Variants in CEP57 observed in about 807,000 individuals in gnomAD.
CEP57 encodes centrosomal protein 57.
Under a neutral mutation model 68.0 loss-of-function variants are expected in CEP57, and 40 were observed. The ratio of observed to expected loss-of-function variants is 0.59; its 90% confidence interval spans 0.46 to 0.77. The LOEUF is 0.77. Ranked by LOEUF, CEP57 falls within the 30% of genes least tolerant of loss-of-function variation. The pLI, the probability that CEP57 is intolerant of heterozygous loss-of-function variation, is 0.00. For synonymous variants in CEP57, 219 were observed against 198.7 expected, an observed-to-expected ratio of 1.10 and a Z score of -0.86; for missense variants, 606 against 580.7, an observed-to-expected ratio of 1.04 and a Z score of -0.45.
chr11:95,796,171 T>A (rs1340194592), intron 1 of CEP57, among the ~76,000 whole-genome samples: 2 of 152,240 alleles, frequency 1.3e-5, no homozygotes, highest in Admixed American at 1.3e-4. Context: ...TAATATGCAT[T>A]TTTAAATTAT....
chr11:95,792,267 G>C (rs1302223585), intron 1 of CEP57, among the ~76,000 whole-genome samples: 1 of 152,198 alleles, frequency 6.6e-6, no homozygotes, highest in Non-Finnish European at 1.5e-5. Context: ...GATTAAACTT[G>C]GGAGAAGAGG....
chr11:95,794,354 C>T (rs904611837), intron 1 of CEP57: 1 of 455,648 alleles, frequency 2.2e-6, no homozygotes, highest in African/African-American at 2.0e-5. Context: ...TTATCTGGTT[C>T]ACAGAGTATG....
intron 5 of CEP57, 52 bp downstream of exon 5, chr11:95,817,955 T>TA (rs1310028792): frequency 9.6e-7 from 1 of 1,042,558 alleles, no homozygotes. Flanking sequence ...GGTTTTTTTT[T>TA]AATGTTAATT....
chr11:95,812,775 AAT>A, intron 2 of CEP57, 155 bp from the exon 3 acceptor site: 2 of 729,022 alleles, frequency 2.7e-6, no homozygotes, highest in Non-Finnish European at 4.7e-6. Context: ...TTAAAAAACA[AAT>A]ATGAGATAAT....
intron 7 of CEP57, 103 bp from the exon 8 acceptor site, chr11:95,822,396 G>A: frequency 1.2e-6 from 1 of 823,218 alleles, no homozygotes; most frequent in Non-Finnish European, 2.0e-6. Flanking sequence ...GATAAGGCAA[G>A]TAGTAGCCTA....
chr11:95,790,590 A>C lies in CEP57; in HGVS notation c.-109A>C. 7.4e-7 allele frequency: 1 copy of C among 1,347,466 alleles called. No homozygotes were observed. Among genetic ancestry groups the C allele is most frequent in the Non-Finnish European group, 1.0e-6 (1 of 961,868 alleles). The allele number at this position is 1,347,466 out of a possible 1,614,324, so 83.5% of individuals were successfully genotyped here. The stretch of plus-strand genomic sequence containing the variant: ...ACCAGCACCCTTGCCCTTTTCCATC[A>C]GGGGTTCAGCCTAGGGTCCCCGCTG... On this transcript the variant is annotated 5_prime_UTR_variant, in exon 1 of 11. Coordinates refer to ENST00000325542, the MANE Select transcript of CEP57 (RefSeq NM_014679.5).
intron 6 of CEP57, among the ~76,000 whole-genome samples, chr11:95,820,579 C>CTTTAA (rs1862477488): frequency 1.2e-5 from 1 of 82,440 alleles, no homozygotes; most frequent in Non-Finnish European, 2.3e-5. Context: ...GCAACAAGAG[C>CTTTAA]AAAAAAAAAA....
chr11:95,796,322 A>G (rs1004430259), intron 1 of CEP57, among the ~76,000 whole-genome samples: 3 of 152,344 alleles, frequency 2.0e-5, no homozygotes, highest in African/African-American at 7.2e-5. Context: ...TTTAATCCTG[A>G]AAGTTTCTCC....
At chr11:95,806,332 T>A (rs1046719659) in intron 2 of CEP57, among the ~76,000 whole-genome samples, 1 of 152,222 alleles carries the variant, frequency 6.6e-6, no homozygotes, top group Non-Finnish European at 1.5e-5. Flanking sequence ...GGGTGATTTC[T>A]GCATTTCCAA....
chr11:95,829,272 G>A lies in CEP57; in HGVS notation c.1213G>A (p.Val405Met), dbSNP rs760517566. ...GTTGGAGTGTGAATTGGAGGCATTA[G>A]TGGGAAGGATGGAAGCAAAAGCCAA... is the stretch of plus-strand genomic sequence containing the variant. ...DKLECELEAL[V>M]GRMEAKANQI... is the part of the protein sequence containing the mutation. Residue 405 changes from valine to methionine, a missense_variant, in exon 10 of 11, where the codon GTG (valine) becomes ATG (methionine). Val to Met is a conservative substitution (Grantham distance 21). Transcript: ENST00000325542. 6.2e-7 allele frequency: 1 copy of A among 1,614,016 alleles called. No homozygotes were observed. The highest frequency in any genetic ancestry group is 8.5e-7 in the Non-Finnish European group (1 of 1,179,974).
intron 4 of CEP57, among the ~76,000 whole-genome samples, chr11:95,814,871 T>C (rs1314943388): frequency 6.6e-6 from 1 of 152,162 alleles, no homozygotes; most frequent in Non-Finnish European, 1.5e-5. Flanking sequence ...CCCCTGTGGA[T>C]AGTAAAATCC....
chr11:95,801,882 G>A (rs1024325560), intron 2 of CEP57, among the ~76,000 whole-genome samples: 14 of 152,170 alleles, frequency 9.2e-5, no homozygotes, highest in African/African-American at 2.9e-4. Context: ...AAGCTTTTAT[G>A]CCTTTAGAGC....
rs929033830 is a variant in CEP57 at position 95,832,518 on chromosome 11, T to C, written c.*1262T>C. Reference sequence around the variant, plus strand: ...CTTCTGTGTCCAGTTTTCTAATGAGTAGGTTCGTAGCTTGATTGAATTAAT... The same window carrying C: ...CTTCTGTGTCCAGTTTTCTAATGAGCAGGTTCGTAGCTTGATTGAATTAAT... On this transcript the variant is annotated 3_prime_UTR_variant, in exon 11 of 11. Transcript: ENST00000325542. 2.6e-5 allele frequency: 4 copies of C among 152,118 alleles called. No homozygotes were observed. Among genetic ancestry groups the C allele is most frequent in the Non-Finnish European group, 4.4e-5 (3 of 68,002 alleles). The allele number at this position is 152,118 out of a possible 1,614,324, so 9.4% of individuals were successfully genotyped here. A position where few individuals can be genotyped will look rare whatever the true frequency, so the allele number is the denominator to read the frequency against.
At chr11:95,805,555 T>C (rs1373147775) in intron 2 of CEP57, among the ~76,000 whole-genome samples, 1 of 152,202 alleles carries the variant, frequency 6.6e-6, no homozygotes, top group African/African-American at 2.4e-5. Flanking sequence ...TGGACAAGAA[T>C]ACTTTGGGTT....
chr11:95,826,106 T>A lies in CEP57; in HGVS notation c.886-1680T>A, dbSNP rs527878766. 2.0e-5 allele frequency: 3 copies of A among 152,352 alleles called. No homozygotes were observed. In the South Asian group the frequency reaches 6.2e-4, roughly 32 times the overall value. 9.4% of individuals were successfully genotyped at this position (152,352 alleles called of 1,614,324 possible). A position where few individuals can be genotyped will look rare whatever the true frequency, so the allele number is the denominator to read the frequency against. On this transcript the variant is annotated intron_variant, in intron 8 of 10. Coordinates refer to ENST00000325542, the MANE Select transcript of CEP57 (RefSeq NM_014679.5). ...AGCCTCTCCTGCCTCCCCCTCCACT[T>A]CTTCTGCCTCTGCCACTCCTGAGAC... is the stretch of plus-strand genomic sequence containing the variant.
chr11:95,826,552 A>G (rs1310953568), intron 8 of CEP57: 2 of 152,122 alleles, frequency 1.3e-5, no homozygotes, highest in Non-Finnish European at 2.9e-5. Context: ...ACACACATTT[A>G]CCTATATAAC....
intron 2 of CEP57, among the ~76,000 whole-genome samples, chr11:95,800,331 T>A (rs1236661436): frequency 6.6e-6 from 1 of 152,168 alleles, no homozygotes; most frequent in African/African-American, 2.4e-5. Context: ...CCTCCTTCCT[T>A]CATGTTTCCC....
chr11:95,807,265 C>G (rs1194043253), intron 2 of CEP57, among the ~76,000 whole-genome samples: 1 of 152,148 alleles, frequency 6.6e-6, no homozygotes, highest in Admixed American at 6.5e-5. Context: ...GTGGAGAAAC[C>G]AAAGCAGAAA....
intron 9 of CEP57, among the ~76,000 whole-genome samples, chr11:95,828,967 G>A (rs1045628308): frequency 1.3e-5 from 2 of 151,648 alleles, no homozygotes; most frequent in Admixed American, 6.6e-5. Context: ...GCGTGAACCC[G>A]GGAGGCAGAG....
Sources: allele counts gnomAD v4.1 joint callset (sites outside exome capture counted in the v4.1 genomes callset), GRCh38; gene constraint gnomAD v4.1.1; transcripts MANE v1.5; gene names NCBI Gene and HGNC (gene_info 2026-07-23, HGNC 2026-07-21).